Variants in ILRUN observed in about 807,000 individuals in gnomAD.
ILRUN encodes the protein inflammation and lipid regulator with UBA-like and NBR1-like domains.
ILRUN carries 3 observed loss-of-function variants against 33.8 expected under a neutral mutation model. The observed-to-expected ratio is 0.09, with a 90% CI of 0.04 to 0.23. The LOEUF (loss-of-function observed/expected upper bound fraction) is 0.23. Ranked by LOEUF, ILRUN falls within the 10% of genes least tolerant of loss-of-function variation. The pLI is 1.00. For synonymous variants in ILRUN, 124 were observed against 138.9 expected (o/e 0.89, Z 0.75); for missense variants, 210 against 375.1 (o/e 0.56, Z 3.64).
intron 3 of ILRUN, among the ~76,000 whole-genome samples, chr6:34,628,336 T>C (rs1454661840): frequency 1.3e-5 from 2 of 151,260 alleles, no homozygotes; most frequent in Non-Finnish European, 2.9e-5. Flanking sequence ...ACACTTTTTT[T>C]TTTTTGAGAC....
chr6:34,602,142 C>T (rs201813756), intron 4 of ILRUN, among the ~76,000 whole-genome samples: 1 of 151,860 alleles, frequency 6.6e-6, no homozygotes, highest in African/African-American at 2.4e-5. Context: ...AGAACAAACA[C>T]AATATAAGAG....
intron 2 of ILRUN, among the ~76,000 whole-genome samples, chr6:34,654,314 C>T (rs1183314494): frequency 1.3e-5 from 2 of 152,148 alleles, no homozygotes; most frequent in Non-Finnish European, 2.9e-5. Flanking sequence ...TAAAACTGTA[C>T]AGGTGGAGCC....
chr6:34,591,008 TAAC>T (rs1205151175), intron 4 of ILRUN, among the ~76,000 whole-genome samples: 1 of 152,230 alleles, frequency 6.6e-6, no homozygotes, highest in Non-Finnish European at 1.5e-5. Flanking sequence ...TACTGCTAGC[TAAC>T]AACACATATA....
chr6:34,591,115 C>T (rs530863646), intron 4 of ILRUN, among the ~76,000 whole-genome samples: 1 of 152,208 alleles, frequency 6.6e-6, no homozygotes, highest in African/African-American at 2.4e-5. Flanking sequence ...TAATTCTCAC[C>T]TCTTCCCTAA....
chr6:34,661,019 C>A (rs538552261), intron 1 of ILRUN, among the ~76,000 whole-genome samples: 10 of 152,282 alleles, frequency 6.6e-5, no homozygotes, highest in Non-Finnish European at 1.2e-4. Context: ...CTTCTTAGAG[C>A]CCTATGGCAT....
At chr6:34,607,264 T>A (rs1418128863) in intron 3 of ILRUN, among the ~76,000 whole-genome samples, 1 of 152,264 alleles carries the variant, frequency 6.6e-6, no homozygotes, top group African/African-American at 2.4e-5. Context: ...TGGTATCTCT[T>A]TGTGGTTTTT....
intron 1 of ILRUN, among the ~76,000 whole-genome samples, chr6:34,693,217 T>C (rs778752476): frequency 3.3e-5 from 5 of 152,240 alleles, no homozygotes; most frequent in Non-Finnish European, 7.3e-5. Context: ...TGATTTTTCA[T>C]TTTATAATCA....
In ILRUN at chr6:34,665,292, CAAAAAAAA is replaced by C. The variant is rs60761039; in HGVS notation, c.159-10521_159-10514del. Among the ~76,000 whole-genome samples the C allele has an allele frequency of 6.5e-5, 5 of 76,420 alleles. No individual in the cohort carries two copies. The East Asian group carries it at 1.1e-3, about 17-fold the overall frequency. 50.1% of individuals were successfully genotyped at this position (76,420 alleles called of 152,430 possible). On this transcript the variant is annotated intron_variant, in intron 1 of 4. Coordinates refer to ENST00000374023, the MANE Select transcript of ILRUN (RefSeq NM_024294.4). ...GCAACACAGGGAGACCCCTTTTCTACAAAAAAAAAAAAAAAAAAAAAATTAGCCAGGCT... is the reference window on the plus strand; with the variant it reads ...GCAACACAGGGAGACCCCTTTTCTACAAAAAAAAAAAAAATTAGCCAGGCT...
At position 34,651,369 on chromosome 6, in the gene ILRUN, C is replaced by T. The variant is rs147231709; in HGVS notation, c.313+3256G>A. Among the ~76,000 whole-genome samples the T allele has an allele frequency of 2.4e-3, 368 of 152,206 alleles. 1 individual carries two copies. Among genetic ancestry groups the T allele is most frequent in the African/African-American group, 8.5e-3 (352 of 41,542 alleles). ...AGCAAATGCAGAGGGGAAAAGCAGT[C>T]AGGCCCACCAAGAGAGATTTTTGTA... On this transcript the variant is annotated intron_variant, in intron 2 of 4. Transcript: ENST00000374023.
intron 1 of ILRUN, among the ~76,000 whole-genome samples, chr6:34,659,618 C>CGTTT (rs1762847032): frequency 1.1e-5 from 1 of 91,478 alleles, no homozygotes; most frequent in African/African-American, 4.6e-5. Context: ...ATAAGGCAGT[C>CGTTT]TTTTTTTTTT....
intron 1 of ILRUN, among the ~76,000 whole-genome samples, chr6:34,695,485 A>T (rs1325572578): frequency 6.6e-6 from 1 of 152,206 alleles, no homozygotes; most frequent in Non-Finnish European, 1.5e-5. Flanking sequence ...AAAGCCAAGA[A>T]ACACTCCTTT....
chr6:34,636,302 C>A (rs895113855), intron 3 of ILRUN, among the ~76,000 whole-genome samples: 4 of 152,078 alleles, frequency 2.6e-5, no homozygotes, highest in African/African-American at 9.7e-5. Context: ...AGGCTCACAA[C>A]ATTCTTTCTC....
At chr6:34,653,132 C>CAAAAAA (rs947213125) in intron 2 of ILRUN, among the ~76,000 whole-genome samples, 16 of 49,056 alleles carry the variant, frequency 3.3e-4, no homozygotes, top group South Asian at 7.4e-4. Context: ...GACCTTGTCT[C>CAAAAAA]AAAAAAAAAA....
intron 3 of ILRUN, among the ~76,000 whole-genome samples, chr6:34,614,443 A>ATT (rs775273061): frequency 7.5e-6 from 1 of 133,598 alleles, no homozygotes; most frequent in African/African-American, 3.1e-5. Context: ...AAAAAAAAAA[A>ATT]ATATATATAT....
intron 4 of ILRUN, among the ~76,000 whole-genome samples, chr6:34,602,293 C>T (rs2235569): frequency 0.45 from 67,592 of 151,874 alleles, 16,962 homozygotes; most frequent in African/African-American, 0.69. Context: ...ACACTCTTAT[C>T]CCCAGCTGTC....
intron 1 of ILRUN, among the ~76,000 whole-genome samples, chr6:34,687,421 C>T (rs1289535532): frequency 1.3e-5 from 2 of 152,006 alleles, no homozygotes; most frequent in Admixed American, 6.6e-5. Context: ...ATTGGCTGGG[C>T]GTGGTGGCTC....
intron 1 of ILRUN, among the ~76,000 whole-genome samples, chr6:34,659,491 T>C (rs1762844129): frequency 6.6e-6 from 1 of 152,146 alleles, no homozygotes; most frequent in Non-Finnish European, 1.5e-5. Context: ...ACATACTAAT[T>C]ACCATTATGA....
At chr6:34,616,338 TC>T (rs1265843269) in intron 3 of ILRUN, among the ~76,000 whole-genome samples, 1 of 152,120 alleles carries the variant, frequency 6.6e-6, no homozygotes, top group Non-Finnish European at 1.5e-5. Context: ...ACTTCACACT[TC>T]CCCTAAGGAT....
intron 2 of ILRUN, among the ~76,000 whole-genome samples, chr6:34,648,898 G>A (rs1446327957): frequency 6.6e-6 from 1 of 152,206 alleles, no homozygotes; most frequent in Admixed American, 6.6e-5. Flanking sequence ...AACCAAGACT[G>A]CATGTGAAAA....
Sources: gnomAD v4.1 joint callset for allele counts (sites outside exome capture counted in the v4.1 genomes callset) on GRCh38, gnomAD v4.1.1 for gene constraint, MANE v1.5 for transcripts, NCBI Gene and HGNC (gene_info 2026-07-23, HGNC 2026-07-21) for gene names.